Variants in FARS2 observed in about 807,000 individuals in gnomAD.
FARS2 encodes phenylalanyl-tRNA synthetase 2, mitochondrial.
Under a neutral mutation model 46.4 loss-of-function variants are expected in FARS2, and 40 were observed. The ratio of observed to expected loss-of-function variants is 0.86; its 90% confidence interval spans 0.67 to 1.12. The LOEUF is 1.12. Ranked by LOEUF, FARS2 falls within the 50% of genes most tolerant of loss-of-function variation. The pLI is 0.00. For synonymous variants in FARS2, 234 were observed against 214.9 expected, an observed-to-expected ratio of 1.09 and a Z score of -0.78; for missense variants, 513 against 567.9, an observed-to-expected ratio of 0.90 and a Z score of 0.98.
chr6:5,744,835 C>T (rs1203119458), intron 6 of FARS2, among the ~76,000 whole-genome samples: 1 of 152,278 alleles, frequency 6.6e-6, no homozygotes, highest in East Asian at 1.9e-4. Context: ...ATATAACACA[C>T]ATGCATAAAA....
At chr6:5,740,625 G>A (rs546311161) in intron 6 of FARS2, among the ~76,000 whole-genome samples, 5 of 152,074 alleles carry the variant, frequency 3.3e-5, no homozygotes, top group South Asian at 2.1e-4. Context: ...TATGTTTTCC[G>A]ATTGCTCACC....
chr6:5,430,227 A>C (rs1221529597), intron 3 of FARS2, among the ~76,000 whole-genome samples: 1 of 152,130 alleles, frequency 6.6e-6, no homozygotes, highest in Non-Finnish European at 1.5e-5. Flanking sequence ...CAAAATGCCC[A>C]CTTTTTTCTG....
At position 5,771,289 on chromosome 6, in the gene FARS2, A is replaced by C. The variant is rs1183024464; in HGVS notation, c.1218-2A>C. 6.2e-7 allele frequency: 1 copy of C among 1,614,030 alleles called. No individual in the cohort carries two copies. Among genetic ancestry groups the C allele is most frequent in the South Asian group, 1.1e-5 (1 of 91,068 alleles). On this transcript the variant is annotated splice_acceptor_variant, in intron 6 of 6. Coordinates refer to ENST00000274680, the MANE Select transcript of FARS2 (RefSeq NM_006567.5). LOFTEE classifies it high-confidence loss of function. ...TCACCTGTGTTCTCTTCCTCTCTGT[A>C]GGACGCACAAGACCAGCCACTGCTA...
intron 6 of FARS2, among the ~76,000 whole-genome samples, chr6:5,698,226 TATC>T (rs995360029): frequency 6.6e-6 from 1 of 152,184 alleles, no homozygotes; most frequent in Non-Finnish European, 1.5e-5. Context: ...GTACAGGAAG[TATC>T]ATGCTGGCAT....
intron 1 of FARS2, among the ~76,000 whole-genome samples, chr6:5,359,764 A>G (rs934106257): frequency 1.3e-5 from 2 of 152,246 alleles, no homozygotes; most frequent in African/African-American, 4.8e-5. Flanking sequence ...TTTGACCTAA[A>G]AATACTTACA....
At chr6:5,371,194 A>C (rs1759041119) in intron 2 of FARS2, 42 of 984,830 alleles carry the variant, frequency 4.3e-5, no homozygotes, top group Non-Finnish European at 5.1e-5. Flanking sequence ...TGGAGTCAGA[A>C]GATTGTGGTG....
At chr6:5,250,828 G>C in the FARS2 span, among the ~76,000 whole-genome samples, 11 of 152,188 alleles carry the variant, frequency 7.2e-5, no homozygotes, top group Admixed American at 3.9e-4. Context: ...TATAATAAAA[G>C]AGTGAAAGCA....
intron 4 of FARS2, among the ~76,000 whole-genome samples, chr6:5,448,535 C>T (rs1327451343): frequency 6.7e-6 from 1 of 149,174 alleles, no homozygotes; most frequent in Non-Finnish European, 1.5e-5. Flanking sequence ...ATTCCCATTT[C>T]TATTCACAGC....
At chr6:5,455,108 G>A (rs1256140484) in intron 4 of FARS2, among the ~76,000 whole-genome samples, 1 of 152,198 alleles carries the variant, frequency 6.6e-6, no homozygotes, top group African/African-American at 2.4e-5. Flanking sequence ...GGGTGGTCAC[G>A]TGTACTTGTT....
chr6:5,533,061 T>C (rs1353101453), intron 4 of FARS2, among the ~76,000 whole-genome samples: 2 of 151,994 alleles, frequency 1.3e-5, no homozygotes, highest in Admixed American at 6.6e-5. Context: ...AGCTCAGTCA[T>C]TGGGGAGGAA....
intron 5 of FARS2, among the ~76,000 whole-genome samples, chr6:5,566,691 AAT>A (rs1356488601): frequency 1.3e-5 from 2 of 152,230 alleles, no homozygotes; most frequent in African/African-American, 4.8e-5. Flanking sequence ...AGGACTTTTA[AAT>A]ATACCTATAA....
At chr6:5,365,903 G>A (rs1758645914) in intron 1 of FARS2, among the ~76,000 whole-genome samples, 1 of 152,108 alleles carries the variant, frequency 6.6e-6, no homozygotes, top group Admixed American at 6.6e-5. Flanking sequence ...TTATTAAGTG[G>A]AAGTAGATCA....
rs372530798 is a variant in FARS2 at position 5,446,417 on chromosome 6, G to C, written c.904+15245G>C. Among the ~76,000 whole-genome samples the C allele has an allele frequency of 4.5e-4, 69 of 152,258 alleles. 3 individuals are homozygous for C. The East Asian group carries it at 8.3e-3, about 18-fold the overall frequency. On this transcript the variant is annotated intron_variant, in intron 4 of 6. Transcript: ENST00000274680. ...TTATATGTATTTGATACTCCATTTA[G>C]TAGAATCAGCCTTCCCTCTTTTCTT... is the stretch of plus-strand genomic sequence containing the variant.
chr6:5,317,182 T>C (rs1769583983), intron 1 of FARS2, among the ~76,000 whole-genome samples: 1 of 152,204 alleles, frequency 6.6e-6, no homozygotes, highest in Non-Finnish European at 1.5e-5. Flanking sequence ...TAAAAACAGC[T>C]AACTCCTACC....
intron 6 of FARS2, among the ~76,000 whole-genome samples, chr6:5,649,583 T>C (rs74858784): frequency 0.31 from 47,925 of 152,206 alleles, 9,200 homozygotes; most frequent in Non-Finnish European, 0.42. Context: ...CCAGATATTA[T>C]ACTTAATGCT....
the FARS2 span, among the ~76,000 whole-genome samples, chr6:5,251,994 G>A: frequency 3.9e-5 from 6 of 152,140 alleles, no homozygotes; most frequent in African/African-American, 7.2e-5. Flanking sequence ...TCATTATTTG[G>A]TTCCTTCATT....
At position 5,765,597 on chromosome 6, in the gene FARS2, G is replaced by A. The variant is rs897113686; in HGVS notation, c.1218-5694G>A. Among the ~76,000 whole-genome samples the A allele has an allele frequency of 1.3e-5, 2 of 152,176 alleles. No homozygotes were observed. Among genetic ancestry groups the A allele is most frequent in the African/African-American group, 4.8e-5 (2 of 41,448 alleles). On this transcript the variant is annotated intron_variant, in intron 6 of 6. Coordinates refer to ENST00000274680, the MANE Select transcript of FARS2 (RefSeq NM_006567.5). The surrounding 1 kb of genome is among the most constrained non-coding windows in gnomAD (Gnocchi z 4.0). ...ACAAACAGCGCGTGTCAGTGTTCTC[G>A]GGGAGGTGGGAGAAATTATGCACTG...
At chr6:5,752,127 C>G (rs1462935904) in intron 6 of FARS2, among the ~76,000 whole-genome samples, 1 of 152,184 alleles carries the variant, frequency 6.6e-6, no homozygotes, top group African/African-American at 2.4e-5. Context: ...CCTCCTCTTC[C>G]AGGAAGATGT....
At chr6:5,264,849 A>G (rs1765442038) in intron 1 of FARS2, among the ~76,000 whole-genome samples, 1 of 152,186 alleles carries the variant, frequency 6.6e-6, no homozygotes, top group Admixed American at 6.5e-5. Flanking sequence ...GCTGGAGTGC[A>G]GTAGTGCTAT....
Sources: allele counts gnomAD v4.1 joint callset (sites outside exome capture counted in the v4.1 genomes callset), GRCh38; gene constraint gnomAD v4.1.1; non-coding constraint Gnocchi (gnomAD v3.1); transcripts MANE v1.5; gene names NCBI Gene and HGNC (gene_info 2026-07-23, HGNC 2026-07-21).